INTS4: variants seen among roughly 807,000 people sequenced by gnomAD.
INTS4 encodes MSTP093.
A neutral mutation model predicts 119.5 loss-of-function variants in INTS4; 70 were observed. The ratio of observed to expected loss-of-function variants is 0.59; its 90% CI spans 0.48 to 0.71. INTS4 has a LOEUF of 0.71. Ranked by LOEUF, INTS4 falls within the 30% of genes least tolerant of loss-of-function variation. The probability of loss-of-function intolerance (pLI) is 0.00; values close to 1 mark genes in which losing one functional copy is unlikely to be tolerated. For missense variants in INTS4, 867 were observed against 1,173.2 expected, an observed-to-expected ratio of 0.74 and a Z score of 3.81; for synonymous variants, 316 against 419.6, an observed-to-expected ratio of 0.75 and a Z score of 3.02.
At chr11:77,885,164 G>A (rs1236975150) in intron 21 of INTS4, among the ~76,000 whole-genome samples, 1 of 151,416 alleles carries the variant, frequency 6.6e-6, no homozygotes, top group Non-Finnish European at 1.5e-5. Flanking sequence ...TGCAACCTCC[G>A]CCTCCCGGGT....
At chr11:77,915,251 A>C (rs1327042984) in intron 15 of INTS4, 1 of 152,706 alleles carries the variant, frequency 6.5e-6, no homozygotes, top group African/African-American at 2.4e-5. Context: ...TTCTTGTTGA[A>C]CTGTGAAGGC....
At chr11:77,964,431 G>C (rs1018204818) in intron 4 of INTS4, among the ~76,000 whole-genome samples, 18 of 151,732 alleles carry the variant, frequency 1.2e-4, no homozygotes, top group African/African-American at 4.1e-4. Context: ...AAAATTAGCC[G>C]GGCATGGTCG....
chr11:77,947,814 A>G (rs1156653817), intron 8 of INTS4, among the ~76,000 whole-genome samples: 4 of 152,190 alleles, frequency 2.6e-5, no homozygotes, highest in Non-Finnish European at 5.9e-5. Flanking sequence ...TTGAGTTGCT[A>G]TCAGCTTAAA....
intron 18 of INTS4, among the ~76,000 whole-genome samples, chr11:77,898,966 G>A (rs1952653262): frequency 6.6e-6 from 1 of 152,252 alleles, no homozygotes; most frequent in African/African-American, 2.4e-5. Context: ...GTTGCAGTGA[G>A]TTGAGATCGT....
At chr11:77,987,579 AT>A in intron 2 of INTS4, 1 of 440,398 alleles carries the variant, frequency 2.3e-6, no homozygotes, top group South Asian at 1.6e-5. Context: ...AGAAATCCTG[AT>A]TTTGGTCAGA....
chr11:77,984,216 G>A (rs1856365699), intron 2 of INTS4, among the ~76,000 whole-genome samples: 1 of 152,066 alleles, frequency 6.6e-6, no homozygotes, highest in Non-Finnish European at 1.5e-5. Flanking sequence ...AATGAGACCG[G>A]GCACAGTGGC....
chr11:77,979,380 T>C (rs3740681), intron 3 of INTS4, among the ~76,000 whole-genome samples: 19,665 of 151,488 alleles, frequency 0.13, 1,461 homozygotes, highest in East Asian at 0.25. Flanking sequence ...GAGGCCGAGG[T>C]AGGAGGACTG....
chr11:77,889,718 C>G (rs574906197), intron 21 of INTS4, among the ~76,000 whole-genome samples: 5 of 152,216 alleles, frequency 3.3e-5, no homozygotes, highest in African/African-American at 7.2e-5. Flanking sequence ...AGGAATGACT[C>G]CGGGTGTGGT....
chr11:77,961,197 T>C, intron 4 of INTS4, 59 bp from the exon 5 acceptor site: 1 of 1,460,916 alleles, frequency 6.8e-7, no homozygotes, highest in Non-Finnish European at 9.0e-7. Flanking sequence ...ATGATTAAGA[T>C]ATCTTAACAA....
chr11:77,932,257 C>A (rs1953669546), intron 10 of INTS4, among the ~76,000 whole-genome samples: 1 of 151,894 alleles, frequency 6.6e-6, no homozygotes, highest in African/African-American at 2.4e-5. Context: ...CAAAACAAAA[C>A]AAAACAAAAA....
chr11:77,954,633 T>G (rs529532052), intron 8 of INTS4, among the ~76,000 whole-genome samples: 1 of 152,312 alleles, frequency 6.6e-6, no homozygotes. Context: ...CTGTTCCACC[T>G]CAGATCATCA....
intron 16 of INTS4, 120 bp from the exon 17 acceptor site, chr11:77,903,740 C>G: frequency 1.4e-6 from 1 of 696,616 alleles, no homozygotes; most frequent in Non-Finnish European, 2.5e-6. Context: ...CTCAATTGAT[C>G]TTATTCTTTT....
At chr11:77,966,891 A>T (rs1855525089) in intron 4 of INTS4, among the ~76,000 whole-genome samples, 1 of 152,214 alleles carries the variant, frequency 6.6e-6, no homozygotes, top group Admixed American at 6.5e-5. Flanking sequence ...TTAACATATT[A>T]ATTCTTCCAA....
chr11:77,893,891 TTAAA>T (rs56269909), intron 19 of INTS4, among the ~76,000 whole-genome samples: 2,124 of 137,904 alleles, frequency 0.015, 49 homozygotes, highest in African/African-American at 0.05. Flanking sequence ...AGACTCTGTC[TTAAA>T]TAAATAAATA....
chr11:77,874,659 A>T (rs1951549744), downstream of INTS4, among the ~76,000 whole-genome samples: 1 of 152,186 alleles, frequency 6.6e-6, no homozygotes, highest in Non-Finnish European at 1.5e-5. Context: ...CCTCTGTCTT[A>T]AATCATTAAA....
intron 10 of INTS4, among the ~76,000 whole-genome samples, chr11:77,937,868 G>A (rs186257732): frequency 6.8e-6 from 1 of 147,026 alleles, no homozygotes; most frequent in Admixed American, 6.7e-5. Context: ...TTTTGAGACA[G>A]AGTTTTGCTC....
chr11:77,939,860 AC>A (rs1319255263), intron 9 of INTS4, among the ~76,000 whole-genome samples: 1 of 151,952 alleles, frequency 6.6e-6, no homozygotes, highest in Non-Finnish European at 1.5e-5. Context: ...AAAAAAAAAA[AC>A]AAAACAAACA....
At chr11:77,922,805 C>T (rs1404042251) in intron 12 of INTS4, 2 of 355,498 alleles carry the variant, frequency 5.6e-6, no homozygotes, top group African/African-American at 4.3e-5. Context: ...AGCTGAACCA[C>T]TATTGGTCTA....
chr11:77,953,223 C>T (rs1274714100), intron 8 of INTS4, among the ~76,000 whole-genome samples: 2 of 152,170 alleles, frequency 1.3e-5, no homozygotes, highest in Non-Finnish European at 2.9e-5. Context: ...AACAATCTCA[C>T]CAAGAGTGGC....
Sources: allele counts gnomAD v4.1 joint callset (sites outside exome capture counted in the v4.1 genomes callset), GRCh38; gene constraint gnomAD v4.1.1; transcripts MANE v1.5; gene names NCBI Gene and HGNC (gene_info 2026-07-23, HGNC 2026-07-21).